PRKACB: variants seen among roughly 807,000 people sequenced by gnomAD.
PRKACB encodes cAMP-dependent protein kinase catalytic subunit beta.
A neutral mutation model predicts 51.4 loss-of-function variants in PRKACB; 16 were observed. The ratio of observed to expected loss-of-function variants is 0.31; its 90% CI spans 0.21 to 0.47. PRKACB has a LOEUF of 0.47. Among genes scored for constraint, PRKACB ranks in the 20% least tolerant of loss-of-function variants. PRKACB has a pLI of 1.00. For synonymous variants in PRKACB, 147 were observed against 154.4 expected, an observed-to-expected ratio of 0.95 and a Z score of 0.35; for missense variants, 309 against 464.5, an observed-to-expected ratio of 0.67 and a Z score of 3.08.
intron 1 of PRKACB, among the ~76,000 whole-genome samples, chr1:84,152,811 T>C (rs1162086278): frequency 6.6e-6 from 1 of 152,208 alleles, no homozygotes; most frequent in African/African-American, 2.4e-5. Flanking sequence ...TAAGGCTGTT[T>C]TGCCTTCTTA....
upstream of PRKACB, among the ~76,000 whole-genome samples, chr1:84,140,843 G>C (rs991291347): frequency 6.6e-6 from 1 of 152,100 alleles, no homozygotes; most frequent in Non-Finnish European, 1.5e-5. Context: ...TGATCTAGGA[G>C]TTTGAAGACC....
intron 1 of PRKACB, among the ~76,000 whole-genome samples, chr1:84,153,279 G>A (rs1655056172): frequency 6.6e-6 from 1 of 152,062 alleles, no homozygotes; most frequent in Non-Finnish European, 1.5e-5. Context: ...GAAATATTGT[G>A]AAAATTATTA....
At chr1:84,123,305 A>G (rs568798650) in intron 1 of PRKACB, among the ~76,000 whole-genome samples, 5 of 152,336 alleles carry the variant, frequency 3.3e-5, no homozygotes, top group East Asian at 3.9e-4. Context: ...CTGTATCAAC[A>G]TGGTAAGCTA....
At chr1:84,131,419 A>G (rs1246880076) in intron 1 of PRKACB, among the ~76,000 whole-genome samples, 2 of 152,134 alleles carry the variant, frequency 1.3e-5, no homozygotes, top group Non-Finnish European at 2.9e-5. Context: ...AACAACATCA[A>G]AAAAAGGGAA....
At chr1:84,234,904 C>T (rs532682607) in intron 9 of PRKACB, among the ~76,000 whole-genome samples, 94 of 152,320 alleles carry the variant, frequency 6.2e-4, no homozygotes, top group African/African-American at 1.8e-3. Context: ...AGCTGTAGAC[C>T]GTACCTGTTC....
chr1:84,200,580 T>A (rs1230963655), intron 7 of PRKACB, among the ~76,000 whole-genome samples: 1 of 152,130 alleles, frequency 6.6e-6, no homozygotes. Context: ...CAGGGTGGCA[T>A]TGCCTAGGTT....
At chr1:84,232,490 CT>C (rs1269938940) in intron 9 of PRKACB, among the ~76,000 whole-genome samples, 117 of 152,298 alleles carry the variant, frequency 7.7e-4, no homozygotes, top group African/African-American at 2.7e-3. Flanking sequence ...TCTCATTGAT[CT>C]GTCTAATGTT....
chr1:84,116,577 G>T (rs898318158), intron 1 of PRKACB, among the ~76,000 whole-genome samples: 2 of 151,922 alleles, frequency 1.3e-5, no homozygotes, highest in Admixed American at 1.3e-4. Context: ...TATTCTTTTT[G>T]TAGCTATTTT....
chr1:84,163,700 G>C (rs778140887), intron 1 of PRKACB, among the ~76,000 whole-genome samples: 1 of 151,968 alleles, frequency 6.6e-6, no homozygotes, highest in Non-Finnish European at 1.5e-5. Context: ...ATGACTGCTC[G>C]ATTTCCAGAG....
chr1:84,106,092 C>A (rs1649723959), intron 1 of PRKACB, among the ~76,000 whole-genome samples: 1 of 152,102 alleles, frequency 6.6e-6, no homozygotes, highest in African/African-American at 2.4e-5. Context: ...AGGCTATATA[C>A]AAATACTATG....
chr1:84,084,272 G>C (rs919432469), intron 1 of PRKACB, among the ~76,000 whole-genome samples: 3 of 152,130 alleles, frequency 2.0e-5, no homozygotes, highest in Non-Finnish European at 4.4e-5. Flanking sequence ...TTCAGGATAA[G>C]GAAGTAAGTT....
chr1:84,234,033 A>T (rs1441671308), intron 9 of PRKACB, among the ~76,000 whole-genome samples: 2 of 151,118 alleles, frequency 1.3e-5, no homozygotes, highest in Non-Finnish European at 3.0e-5. Flanking sequence ...TTTTTTCCCC[A>T]TCTTTGTGGT....
intron 7 of PRKACB, among the ~76,000 whole-genome samples, chr1:84,200,179 C>T (rs1420100391): frequency 6.6e-6 from 1 of 152,074 alleles, no homozygotes; most frequent in African/African-American, 2.4e-5. Context: ...GCCATTCTGA[C>T]TGGTGTGGAA....
chr1:84,178,617 T>G (rs1177100011), intron 1 of PRKACB, among the ~76,000 whole-genome samples: 1 of 152,054 alleles, frequency 6.6e-6, no homozygotes, highest in African/African-American at 2.4e-5. Flanking sequence ...GATGTTTTGT[T>G]CTGTTTTTAA....
chr1:84,175,773 C>A (rs1349123037), intron 1 of PRKACB: 4 of 1,560,652 alleles, frequency 2.6e-6, no homozygotes, highest in Admixed American at 2.0e-5. Flanking sequence ...AATGTTCCTG[C>A]AAACAAATCT....
chr1:84,151,636 A>T (rs1024770100), intron 1 of PRKACB, among the ~76,000 whole-genome samples: 2 of 152,192 alleles, frequency 1.3e-5, no homozygotes, highest in Admixed American at 1.3e-4. Context: ...CATTTCAATA[A>T]TCTTCACAGC....
intron 1 of PRKACB, among the ~76,000 whole-genome samples, chr1:84,091,194 A>T (rs982126841): frequency 2.6e-5 from 4 of 152,172 alleles, no homozygotes; most frequent in Non-Finnish European, 5.9e-5. Flanking sequence ...TGAGACGAGA[A>T]GAAAGAAGAA....
intron 1 of PRKACB, among the ~76,000 whole-genome samples, chr1:84,146,153 T>TA (rs1270748189): frequency 6.3e-4 from 95 of 151,942 alleles, no homozygotes; most frequent in African/African-American, 2.1e-3. Context: ...TTGTTTTTTT[T>TA]TTATTGTGAA....
chr1:84,232,849 G>T (rs1429934632), intron 9 of PRKACB, among the ~76,000 whole-genome samples: 2 of 152,040 alleles, frequency 1.3e-5, no homozygotes, highest in Non-Finnish European at 2.9e-5. Flanking sequence ...ATACTGATGG[G>T]TCTTGACTCT....
Sources: allele counts gnomAD v4.1 joint callset (sites outside exome capture counted in the v4.1 genomes callset), GRCh38; gene constraint gnomAD v4.1.1; transcripts MANE v1.5; gene names NCBI Gene and HGNC (gene_info 2026-07-23, HGNC 2026-07-21).